The following MAP2K4 variants were observed in gnomAD, a reference collection of about 807,000 sequenced individuals.
MAP2K4 encodes mitogen-activated protein kinase kinase 4, also known as dual specificity mitogen-activated protein kinase kinase 4.
In MAP2K4, 4 loss-of-function variants were observed where a neutral mutation model predicts 48.5. The observed-to-expected ratio is 0.08, with a 90% CI of 0.04 to 0.19. The LOEUF (loss-of-function observed/expected upper bound fraction) is 0.19. Ranked by LOEUF, MAP2K4 falls within the 10% of genes least tolerant of loss-of-function variation. MAP2K4 has a pLI of 1.00. For synonymous variants in MAP2K4, 166 were observed against 173.1 expected (o/e 0.96, Z 0.32); for missense variants, 258 against 493.3 (o/e 0.52, Z 4.52).
At chr17:12,136,684 A>G (rs1973222141) in intron 9 of MAP2K4, among the ~76,000 whole-genome samples, 2 of 152,216 alleles carry the variant, frequency 1.3e-5, no homozygotes, top group Non-Finnish European at 2.9e-5. Context: ...AAGACAGTCA[A>G]TGTTAATAGT....
At chr17:12,033,378 A>C (rs1969499552) in intron 1 of MAP2K4, among the ~76,000 whole-genome samples, 1 of 152,208 alleles carries the variant, frequency 6.6e-6, no homozygotes, top group Non-Finnish European at 1.5e-5. Flanking sequence ...GCTATGTTTA[A>C]ATTTTTTTTT....
intron 1 of MAP2K4, among the ~76,000 whole-genome samples, chr17:12,042,758 A>C (rs551916296): frequency 8.5e-5 from 13 of 152,160 alleles, no homozygotes; most frequent in Non-Finnish European, 1.5e-4. Flanking sequence ...CTTTAAGAAG[A>C]TGTTCTTGGC....
rs762748192 is a variant in MAP2K4 at position 12,081,566 on chromosome 17, C to A, written c.393+36C>A. 5.6e-6 allele frequency: 9 copies of A among 1,597,790 alleles called. No individual in the cohort carries two copies. Among genetic ancestry groups the A allele is most frequent in the Non-Finnish European group, 7.7e-6 (9 of 1,168,206 alleles). On this transcript the variant is annotated intron_variant, in intron 3 of 10. Transcript: ENST00000353533. This position sits in a 1 kb window ranked among gnomAD's most constrained non-coding sequence, Gnocchi z 4.2. ...CCATGATTATTTTTGGTACTTTAAT[C>A]CATTAGGTGAAATTTCATGGTGCAG...
intron 1 of MAP2K4, among the ~76,000 whole-genome samples, chr17:12,036,210 G>A (rs1397810781): frequency 6.6e-6 from 1 of 151,930 alleles, no homozygotes; most frequent in African/African-American, 2.4e-5. Context: ...CTTTAATACT[G>A]TTGGATCATT....
intron 4 of MAP2K4, among the ~76,000 whole-genome samples, chr17:12,107,134 T>C (rs1183752088): frequency 2.0e-5 from 3 of 152,150 alleles, no homozygotes; most frequent in Admixed American, 2.0e-4. Flanking sequence ...ATTTAACAAG[T>C]ATTTATTGAG....
intron 2 of MAP2K4, among the ~76,000 whole-genome samples, chr17:12,072,813 C>T (rs903980891): frequency 2.6e-5 from 4 of 152,104 alleles, no homozygotes; most frequent in African/African-American, 9.7e-5. Flanking sequence ...TTCCTTTTCT[C>T]ATCGACATGT....
At chr17:12,120,276 C>G (rs964703635) in intron 7 of MAP2K4, among the ~76,000 whole-genome samples, 1 of 151,992 alleles carries the variant, frequency 6.6e-6, no homozygotes, top group Non-Finnish European at 1.5e-5. Flanking sequence ...GCCTGGCCAA[C>G]ATGTGAAACC....
chr17:12,136,963 G>A (rs1441093716), intron 9 of MAP2K4, among the ~76,000 whole-genome samples: 1 of 152,112 alleles, frequency 6.6e-6, no homozygotes, highest in Non-Finnish European at 1.5e-5. Context: ...CTTTAAGCAA[G>A]CTATGGTACT....
At chr17:12,061,071 T>A (rs1421667062) in intron 2 of MAP2K4, among the ~76,000 whole-genome samples, 1 of 152,234 alleles carries the variant, frequency 6.6e-6, no homozygotes, top group African/African-American at 2.4e-5. Context: ...ATCATAACAA[T>A]ATTTATTTTG....
At chr17:12,131,101 G>A (rs906242059) in intron 9 of MAP2K4, among the ~76,000 whole-genome samples, 1 of 151,964 alleles carries the variant, frequency 6.6e-6, no homozygotes, top group African/African-American at 2.4e-5. Flanking sequence ...TTTCATGATG[G>A]GGAGGATAAA....
chr17:12,060,169 TA>T (rs78476666), intron 2 of MAP2K4, among the ~76,000 whole-genome samples: 2,475 of 143,848 alleles, frequency 0.017, 44 homozygotes, highest in African/African-American at 0.049. Context: ...CTGTCTCTAT[TA>T]AAAAAAAAAA....
At chr17:12,087,736 A>G (rs988743705) in intron 3 of MAP2K4, among the ~76,000 whole-genome samples, 1 of 152,118 alleles carries the variant, frequency 6.6e-6, no homozygotes, top group Non-Finnish European at 1.5e-5. Context: ...GCCCGTAGTA[A>G]AATCATATAT....
intron 1 of MAP2K4, chr17:12,026,990 AC>A (rs1438144536): frequency 6.6e-6 from 1 of 152,178 alleles, no homozygotes; most frequent in Admixed American, 6.5e-5. Flanking sequence ...TCCTTTTAAC[AC>A]TATATATAAA....
intron 1 of MAP2K4, among the ~76,000 whole-genome samples, chr17:12,033,573 TTAAA>T (rs1462407647): frequency 6.6e-6 from 1 of 152,184 alleles, no homozygotes; most frequent in Non-Finnish European, 1.5e-5. Context: ...CTCCCTTGCC[TTAAA>T]TAACTGACTA....
intron 2 of MAP2K4, among the ~76,000 whole-genome samples, chr17:12,070,179 A>G (rs1970758030): frequency 6.6e-6 from 1 of 151,902 alleles, no homozygotes; most frequent in African/African-American, 2.4e-5. Flanking sequence ...GTTCTTACGG[A>G]TAGTGGTTCT....
At chr17:12,091,183 A>G (rs2322283) in intron 3 of MAP2K4, among the ~76,000 whole-genome samples, 25,635 of 152,250 alleles carry the variant, frequency 0.17, 2,535 homozygotes, top group South Asian at 0.3. Context: ...AAATGGAGGC[A>G]TTCCACATGA....
chr17:12,136,498 A>G (rs1033365420), intron 9 of MAP2K4, among the ~76,000 whole-genome samples: 7 of 152,252 alleles, frequency 4.6e-5, no homozygotes, highest in African/African-American at 7.2e-5. Context: ...GAAATGTCCT[A>G]TAATCTGCTC....
At chr17:12,036,281 AATGTAGAGTT>A (rs1196680011) in intron 1 of MAP2K4, among the ~76,000 whole-genome samples, 1 of 152,142 alleles carries the variant, frequency 6.6e-6, no homozygotes, top group African/African-American at 2.4e-5. Flanking sequence ...TCCATTTGTA[AATGTAGAGTT>A]ATAAGTGTAG....
At chr17:12,055,873 T>C (rs1272799715) in intron 2 of MAP2K4, among the ~76,000 whole-genome samples, 4 of 152,088 alleles carry the variant, frequency 2.6e-5, no homozygotes, top group African/African-American at 9.6e-5. Flanking sequence ...ATGAAAGATA[T>C]TTTAAATAAA....
Sources: gnomAD v4.1 joint callset for allele counts (sites outside exome capture counted in the v4.1 genomes callset) on GRCh38, gnomAD v4.1.1 for gene constraint, Gnocchi (gnomAD v3.1) non-coding constraint, MANE v1.5 for transcripts, NCBI Gene and HGNC (gene_info 2026-07-23, HGNC 2026-07-21) for gene names.